Variants in LGR5 observed in about 807,000 individuals in gnomAD.
LGR5 encodes leucine-rich repeat-containing G protein-coupled receptor 5.
A neutral mutation model predicts 76.7 loss-of-function variants in LGR5; 54 were observed. The ratio of observed to expected loss-of-function variants is 0.70; its 90% CI spans 0.57 to 0.88. LGR5 has a LOEUF of 0.88. Ranked by LOEUF, LGR5 falls within the 40% of genes least tolerant of loss-of-function variation. The pLI, the probability that LGR5 is intolerant of heterozygous loss-of-function variation, is 0.00. For synonymous variants in LGR5, 406 were observed against 421.9 expected (o/e 0.96, Z 0.46); for missense variants, 1,078 against 1,073.3 (o/e 1.00, Z -0.06).
chr12:71,543,219 A>G (rs1272858632), intron 4 of LGR5, among the ~76,000 whole-genome samples: 1 of 152,184 alleles, frequency 6.6e-6, no homozygotes, highest in Admixed American at 6.5e-5. Context: ...ACCTGCATTC[A>G]TTCATCTCCC....
chr12:71,512,408 T>C (rs1223743237), intron 2 of LGR5, among the ~76,000 whole-genome samples: 1 of 152,198 alleles, frequency 6.6e-6, no homozygotes, highest in Non-Finnish European at 1.5e-5. Context: ...CTTATAAATA[T>C]TAAACAGAGA....
intron 1 of LGR5, among the ~76,000 whole-genome samples, chr12:71,464,673 A>T (rs1565662963): frequency 6.6e-6 from 1 of 152,212 alleles, no homozygotes; most frequent in Non-Finnish European, 1.5e-5. Context: ...TATATTAAGG[A>T]GAGTTTCAAC....
Position 71,440,139 on chromosome 12 carries a change from C to T in LGR5, c.59C>T (p.Thr20Ile). The T allele has an allele frequency of 6.2e-7, 1 of 1,609,700 alleles. No homozygotes were observed. Among genetic ancestry groups the T allele is most frequent in the South Asian group, 1.1e-5 (1 of 90,910 alleles). Residue 20 changes from threonine to isoleucine, a missense_variant, in exon 1 of 18, where the codon ACC (threonine) becomes ATC (isoleucine). By Grantham distance (89) the Thr-to-Ile change is moderately conservative (BLOSUM62 -1). Coordinates refer to ENST00000266674, the MANE Select transcript of LGR5 (RefSeq NM_003667.4). The surrounding 1 kb of genome is among the most constrained non-coding windows in gnomAD (Gnocchi z 5.3). ...LSLPVLLQLATGGSSPRSGVL... is the reference protein window; with the variant it reads ...LSLPVLLQLAIGGSSPRSGVL... The stretch of plus-strand genomic sequence containing the variant: ...TTGCCTGTGCTGCTGCAGCTGGCGA[C>T]CGGGGGCAGCTCTCCCAGGTCTGGT...
At chr12:71,514,439 G>A (rs1400067645) in intron 2 of LGR5, among the ~76,000 whole-genome samples, 1 of 151,988 alleles carries the variant, frequency 6.6e-6, no homozygotes, top group Non-Finnish European at 1.5e-5. Context: ...GTGGTGGCGG[G>A]CGCCTGTAGT....
chr12:71,546,317 A>AAC (rs1555173453), intron 4 of LGR5, among the ~76,000 whole-genome samples: 8 of 148,816 alleles, frequency 5.4e-5, no homozygotes, highest in African/African-American at 2.0e-4. Context: ...TCAGTCTCAA[A>AAC]ATATATATAT....
chr12:71,582,328 A>G (rs1879126950), intron 16 of LGR5, 128 bp from the exon 17 acceptor site: 2 of 721,868 alleles, frequency 2.8e-6, no homozygotes, highest in Admixed American at 2.5e-5. Flanking sequence ...ATAACTTGCA[A>G]GAAAGCTAGA....
At chr12:71,504,789 C>T in intron 2 of LGR5, 104 bp downstream of exon 2, 1 of 929,066 alleles carries the variant, frequency 1.1e-6, no homozygotes, top group Non-Finnish European at 1.8e-6. Flanking sequence ...GGCAGAAAAC[C>T]TGTCAGCACC....
chr12:71,558,050 A>G (rs1877864107), intron 6 of LGR5, among the ~76,000 whole-genome samples: 1 of 152,192 alleles, frequency 6.6e-6, no homozygotes, highest in South Asian at 2.1e-4. Context: ...GAGCACTAAC[A>G]GCTCTTTCCA....
At chr12:71,528,717 A>C (rs943184285) in intron 3 of LGR5, among the ~76,000 whole-genome samples, 3 of 152,326 alleles carry the variant, frequency 2.0e-5, no homozygotes, top group Admixed American at 6.5e-5. Context: ...TGATAATTAT[A>C]TAATGATTTA....
intron 3 of LGR5, among the ~76,000 whole-genome samples, chr12:71,530,111 C>T (rs1876228540): frequency 6.6e-6 from 1 of 152,012 alleles, no homozygotes; most frequent in African/African-American, 2.4e-5. Context: ...ACATTTAGGG[C>T]ACAACAATAA....
chr12:71,507,995 C>T (rs1282598923), intron 2 of LGR5, among the ~76,000 whole-genome samples: 4 of 149,908 alleles, frequency 2.7e-5, no homozygotes, highest in Non-Finnish European at 5.9e-5. Context: ...CCAAGGCGGG[C>T]AGATCACGAG....
chr12:71,492,820 C>T (rs1874134085), intron 1 of LGR5, among the ~76,000 whole-genome samples: 1 of 145,708 alleles, frequency 6.9e-6, no homozygotes, highest in African/African-American at 2.8e-5. Flanking sequence ...CCCTCTTGGA[C>T]TTTGTCCCTG....
chr12:71,554,698 C>A (rs896409887), intron 5 of LGR5, among the ~76,000 whole-genome samples: 1 of 152,122 alleles, frequency 6.6e-6, no homozygotes, highest in Non-Finnish European at 1.5e-5. Flanking sequence ...TAGGTCAGAT[C>A]TCTTTCATTG....
At chr12:71,546,349 G>A (rs115261543) in intron 4 of LGR5, among the ~76,000 whole-genome samples, 2,094 of 151,790 alleles carry the variant, frequency 0.014, 47 homozygotes, top group African/African-American at 0.048. Flanking sequence ...CTGTTTGCCT[G>A]TTACCTTCTA....
At chr12:71,477,987 G>T (rs997991218) in intron 1 of LGR5, among the ~76,000 whole-genome samples, 1 of 152,022 alleles carries the variant, frequency 6.6e-6, no homozygotes, top group Non-Finnish European at 1.5e-5. Flanking sequence ...ACTTTAACAG[G>T]TTCATTATAA....
chr12:71,584,968 TTAAG>T lies in LGR5; in HGVS notation c.*236_*239del. On this transcript the variant is annotated 3_prime_UTR_variant, in exon 18 of 18. Transcript: ENST00000266674. ...CTAAGGGATAGATCGATCACACTAT[TTAAG>T]TGAGCCCAGATCAAAAAAGCAGATT... 2 of 474,482 alleles carry T rather than the reference TTAAG, an allele frequency of 4.2e-6. No individual in the cohort carries two copies. Among genetic ancestry groups the T allele is most frequent in the South Asian group, 8.5e-5 (2 of 23,416 alleles). The allele number at this position is 474,482 out of a possible 1,614,324, so 29.4% of individuals were successfully genotyped here. A position where few individuals can be genotyped will look rare whatever the true frequency, so the allele number is the denominator to read the frequency against.
intron 2 of LGR5, among the ~76,000 whole-genome samples, chr12:71,514,087 A>C (rs1459310688): frequency 2.6e-5 from 4 of 152,028 alleles, no homozygotes; most frequent in East Asian, 1.9e-4. Context: ...GGATCTTAAA[A>C]AACAACAACA....
chr12:71,529,956 C>CAAAA (rs34678480), intron 3 of LGR5, among the ~76,000 whole-genome samples: 5,221 of 91,214 alleles, frequency 0.057, 117 homozygotes, highest in African/African-American at 0.09. Flanking sequence ...ATTCTGTCTC[C>CAAAA]AAAAAAAAAA....
intron 1 of LGR5, among the ~76,000 whole-genome samples, chr12:71,473,778 G>T (rs1020304294): frequency 1.3e-5 from 2 of 151,994 alleles, no homozygotes; most frequent in Non-Finnish European, 2.9e-5. Flanking sequence ...TAAAACAAAT[G>T]AAATTACAGA....
Sources: gnomAD v4.1 joint callset for allele counts (sites outside exome capture counted in the v4.1 genomes callset) on GRCh38, gnomAD v4.1.1 for gene constraint, Gnocchi (gnomAD v3.1) non-coding constraint, MANE v1.5 for transcripts, NCBI Gene and HGNC (gene_info 2026-07-23, HGNC 2026-07-21) for gene names.